The following NBEA variants were observed in gnomAD, a reference collection of about 807,000 sequenced individuals.
The protein encoded by NBEA is neurobeachin.
In NBEA, 44 loss-of-function variants were observed where a neutral mutation model predicts 343.4. That is an observed-to-expected ratio of 0.13 (90% CI 0.10 to 0.16). NBEA has a LOEUF of 0.16. NBEA is among the 10% of genes least tolerant of loss of function. The pLI is 1.00. For missense variants in NBEA, 2,555 were observed against 3,631.3 expected, an observed-to-expected ratio of 0.70 and a Z score of 7.62; for synonymous variants, 1,175 against 1,238.7, an observed-to-expected ratio of 0.95 and a Z score of 1.08.
At chr13:35,234,910 A>G (rs1180228900) in intron 34 of NBEA, among the ~76,000 whole-genome samples, 2 of 152,198 alleles carry the variant, frequency 1.3e-5, no homozygotes, top group Non-Finnish European at 2.9e-5. Flanking sequence ...CATTACTATT[A>G]ATGCAAACAT....
At chr13:35,239,457 G>A (rs1366554476) in intron 34 of NBEA, among the ~76,000 whole-genome samples, 1 of 151,996 alleles carries the variant, frequency 6.6e-6, no homozygotes, top group Non-Finnish European at 1.5e-5. Context: ...TAATATTATC[G>A]ATATTACAAA....
rs2085653692 is a variant in NBEA at position 35,672,581 on chromosome 13, G to A, written c.*1590G>A. On this transcript the variant is annotated 3_prime_UTR_variant, in exon 59 of 59. Transcript: ENST00000379939. ...TTGGGAGGATACTTAACATCTGGAA[G>A]ACAAGTTCATTTCATCTTGAGATCA... 6.6e-6 allele frequency: 1 copy of A among 152,624 alleles called. No homozygotes were observed. Among genetic ancestry groups the A allele is most frequent in the South Asian group, 2.1e-4 (1 of 4,838 alleles). The allele number at this position is 152,624 out of a possible 1,614,324, so 9.5% of individuals were successfully genotyped here. A position where few individuals can be genotyped will look rare whatever the true frequency, so the allele number is the denominator to read the frequency against.
At chr13:35,583,824 G>T in intron 45 of NBEA, 74 bp from the exon 46 acceptor site, 2 of 1,097,190 alleles carry the variant, frequency 1.8e-6, no homozygotes. Context: ...GTGAAATACT[G>T]AAAGTATAAA....
intron 38 of NBEA, among the ~76,000 whole-genome samples, chr13:35,413,999 C>T (rs2043746709): frequency 6.6e-6 from 1 of 152,124 alleles, no homozygotes; most frequent in Non-Finnish European, 1.5e-5. Flanking sequence ...ACCCATGCAA[C>T]TGTGGAGACA....
chr13:35,225,098 A>C (rs766029426), intron 33 of NBEA, among the ~76,000 whole-genome samples: 1 of 152,236 alleles, frequency 6.6e-6, no homozygotes, highest in Non-Finnish European at 1.5e-5. Flanking sequence ...GGTTCTCTAC[A>C]CTATGTAGTC....
intron 38 of NBEA, among the ~76,000 whole-genome samples, chr13:35,398,587 C>T (rs774361255): frequency 2.0e-5 from 3 of 152,112 alleles, no homozygotes; most frequent in Non-Finnish European, 4.4e-5. Context: ...CAAAGCCCCT[C>T]GGTGACCAAG....
At chr13:35,396,767 T>G (rs1174081204) in intron 38 of NBEA, among the ~76,000 whole-genome samples, 1 of 152,178 alleles carries the variant, frequency 6.6e-6, no homozygotes, top group Non-Finnish European at 1.5e-5. Context: ...TGCTATCTGT[T>G]AGAGATTCAA....
chr13:35,466,881 C>T (rs928869159), intron 40 of NBEA, among the ~76,000 whole-genome samples: 6 of 152,092 alleles, frequency 3.9e-5, no homozygotes, highest in African/African-American at 1.2e-4. Flanking sequence ...GACTTTGCTA[C>T]TATGATTTTT....
chr13:35,016,221 A>G (rs1240166383), intron 1 of NBEA, among the ~76,000 whole-genome samples: 3 of 151,984 alleles, frequency 2.0e-5, no homozygotes, highest in African/African-American at 4.8e-5. Context: ...TTTTTTTGCC[A>G]TATGTGTATG....
chr13:35,465,638 C>T (rs2075357530), intron 40 of NBEA, among the ~76,000 whole-genome samples: 1 of 152,170 alleles, frequency 6.6e-6, no homozygotes, highest in South Asian at 2.1e-4. Flanking sequence ...AAACAGAAAT[C>T]TCAGCTGGCT....
At chr13:35,155,903 C>A in intron 19 of NBEA, 48 bp downstream of exon 19, 8 of 1,546,852 alleles carry the variant, frequency 5.2e-6, no homozygotes, top group Non-Finnish European at 7.1e-6. Context: ...CGCATGGCAA[C>A]ATATGAGACT....
rs192537560 is a variant in NBEA, at chr13:35,032,744, C to T, written c.295-8189C>T. Among the ~76,000 whole-genome samples the T allele has an allele frequency of 4.0e-5, 6 of 151,758 alleles. No individual in the cohort carries two copies. In the East Asian group the frequency reaches 1.2e-3, roughly 29 times the overall value. On this transcript the variant is annotated intron_variant, in intron 1 of 58. Coordinates refer to ENST00000379939, the MANE Select transcript of NBEA (RefSeq NM_001385012.1). ...CTCATTGTAGTTTTGATTTGAATTT[C>T]CCTGATGATCAGTGATGTTGAGTAT...
intron 40 of NBEA, among the ~76,000 whole-genome samples, chr13:35,460,898 T>C (rs2046866739): frequency 6.6e-6 from 1 of 152,204 alleles, no homozygotes; most frequent in Admixed American, 6.5e-5. Context: ...GGTGAGGGCC[T>C]TCTTGCTGGT....
intron 6 of NBEA, 38 bp downstream of exon 6, chr13:35,050,433 T>G: frequency 6.3e-7 from 1 of 1,583,428 alleles, no homozygotes; most frequent in Admixed American, 1.7e-5. Context: ...TCACCTGTTA[T>G]GACAGAATTC....
At chr13:35,668,558 G>C in intron 58 of NBEA, 39 bp downstream of exon 58, 1 of 1,513,018 alleles carries the variant, frequency 6.6e-7, no homozygotes, top group Non-Finnish European at 8.9e-7. Context: ...ACTGAGAACT[G>C]TCATTGAAGG....
chr13:35,487,995 G>A (rs565575209), intron 41 of NBEA, among the ~76,000 whole-genome samples: 16 of 151,862 alleles, frequency 1.1e-4, no homozygotes, highest in East Asian at 7.8e-4. Flanking sequence ...CCATACCCAC[G>A]CAGATAAATG....
chr13:35,446,928 C>T (rs906901307), intron 39 of NBEA, among the ~76,000 whole-genome samples: 2 of 151,986 alleles, frequency 1.3e-5, no homozygotes, highest in African/African-American at 4.8e-5. Context: ...TACATTAAAA[C>T]TGGCTTATTA....
intron 1 of NBEA, among the ~76,000 whole-genome samples, chr13:35,027,208 C>A (rs947230270): frequency 6.6e-6 from 1 of 151,992 alleles, no homozygotes; most frequent in Non-Finnish European, 1.5e-5. Flanking sequence ...CTGCTATTAA[C>A]AATTATGTAC....
At position 35,070,036 on chromosome 13, in the gene NBEA, C is replaced by G. The variant is rs748382732; in HGVS notation, c.1368C>G (p.Leu456=). The change falls in exon 9 of 59, where the codon CTC becomes CTG. Residue 456 remains leucine (L), a synonymous_variant. Transcript: ENST00000379939. ...ATGCTAAGGCCACTGATGCTCAGCT[C>G]TGCCTGGAATCATCACCAAAAGAGA... ...TYNAKATDAQ[L]CLESSPKENA... The G allele has an allele frequency of 1.2e-6, 2 of 1,606,498 alleles. No individual in the cohort carries two copies. The highest frequency in any genetic ancestry group is 1.7e-6 in the Non-Finnish European group (2 of 1,176,838).
Sources: gnomAD v4.1 joint callset for allele counts (sites outside exome capture counted in the v4.1 genomes callset) on GRCh38, gnomAD v4.1.1 for gene constraint, MANE v1.5 for transcripts, NCBI Gene and HGNC (gene_info 2026-07-23, HGNC 2026-07-21) for gene names.